Variants in ZC3H7B observed in about 807,000 individuals in gnomAD.
ZC3H7B encodes zinc finger CCCH-type containing 7B.
Under a neutral mutation model 116.0 loss-of-function variants are expected in ZC3H7B, and 35 were observed. The observed-to-expected ratio is 0.30, with a 90% confidence interval of 0.23 to 0.40. ZC3H7B has a LOEUF of 0.40. Among genes scored for constraint, ZC3H7B ranks in the 10% least tolerant of loss-of-function variants. ZC3H7B has a pLI of 1.00. For synonymous variants in ZC3H7B, 502 were observed against 545.6 expected (o/e 0.92, Z 1.11); for missense variants, 1,011 against 1,321.5 (o/e 0.77, Z 3.64).
At chr22:41,343,673 G>A (rs1371702902) in intron 13 of ZC3H7B, 97 bp downstream of exon 13, 1 of 1,418,458 alleles carries the variant, frequency 7.0e-7, no homozygotes, top group Non-Finnish European at 9.3e-7. Flanking sequence ...ACAGAACAGG[G>A]GTGGGCCTCA....
rs2035963729 is a variant in ZC3H7B at position 41,301,551 on chromosome 22, C to G, written c.-228C>G. ...AGACAGTGCCTCCAGCGGGTGCTGCCGCGAGCGGCCAGCCGAGGGGCTGGA... is the reference window on the plus strand; with the variant it reads ...AGACAGTGCCTCCAGCGGGTGCTGCGGCGAGCGGCCAGCCGAGGGGCTGGA... On this transcript the variant is annotated 5_prime_UTR_variant, in exon 1 of 23. Transcript: ENST00000352645. 1 of 152,142 alleles carries G rather than the reference C, an allele frequency of 6.6e-6. No individual in the cohort carries two copies. Among genetic ancestry groups the G allele is most frequent in the African/African-American group, 2.4e-5 (1 of 41,408 alleles). 9.4% of individuals were successfully genotyped at this position (152,142 alleles called of 1,614,324 possible).
chr22:41,329,154 G>A (rs1439919479), intron 5 of ZC3H7B, among the ~76,000 whole-genome samples: 1 of 150,750 alleles, frequency 6.6e-6, no homozygotes, highest in Non-Finnish European at 1.5e-5. Flanking sequence ...GTAGTGAGCT[G>A]AGATCGCGCC....
At chr22:41,311,895 T>C (rs2036122673) in intron 1 of ZC3H7B, among the ~76,000 whole-genome samples, 1 of 152,146 alleles carries the variant, frequency 6.6e-6, no homozygotes, top group Non-Finnish European at 1.5e-5. Flanking sequence ...TGACAATACA[T>C]ATAGATTCAA....
chr22:41,315,332 A>G (rs2036168226), intron 1 of ZC3H7B, among the ~76,000 whole-genome samples: 2 of 148,202 alleles, frequency 1.3e-5, no homozygotes, highest in Non-Finnish European at 3.0e-5. Context: ...ATGTACCACT[A>G]TATCCAGCTA....
rs531769945 is a variant in ZC3H7B, at chr22:41,350,248, C to T, written c.1948+947C>T. ...GTCCCTGGGGGTAGAGCAGCTTAGT[C>T]AGTAGAAGGGGAATGAGGCCTGAGA... On this transcript the variant is annotated intron_variant, in intron 16 of 22. Transcript: ENST00000352645. 2.0e-5 allele frequency among the ~76,000 whole-genome samples: 3 copies of T among 152,228 alleles called. No individual in the cohort carries two copies. In the East Asian group the frequency reaches 5.8e-4, roughly 29 times the overall value.
At position 41,348,144 on chromosome 22, in the gene ZC3H7B, C is replaced by G; in HGVS notation, c.1743C>G (p.Ala581=). The change falls in exon 15 of 23, where the codon GCC becomes GCG. Residue 581 remains alanine (A), a synonymous_variant. Transcript: ENST00000352645. ...DSPSVCSNLA[A]KHSFYNNKCL... is the part of the protein sequence containing the mutation. ...CGTCTGTCTGCTCCAACCTGGCTGC[C>G]AAGCACAGCTTCTACAACAACAAGT... The G allele has an allele frequency of 6.2e-7, 1 of 1,613,932 alleles. No homozygotes were observed. Among genetic ancestry groups the G allele is most frequent in the East Asian group, 2.2e-5 (1 of 44,882 alleles).
intron 2 of ZC3H7B, 28 bp from the exon 3 acceptor site, chr22:41,325,536 C>T: frequency 2.5e-6 from 4 of 1,603,192 alleles, no homozygotes; most frequent in Non-Finnish European, 3.4e-6. Flanking sequence ...CGGGCTCACC[C>T]AGGCCTCGTG....
chr22:41,320,778 G>A, intron 2 of ZC3H7B, 65 bp downstream of exon 2: 1 of 1,595,850 alleles, frequency 6.3e-7, no homozygotes, highest in Non-Finnish European at 8.6e-7. Flanking sequence ...TGAGAGCCAT[G>A]CCCTCCCAGC....
intron 1 of ZC3H7B, among the ~76,000 whole-genome samples, chr22:41,315,359 T>TTTG (rs1257392946): frequency 1.4e-5 from 2 of 147,554 alleles, no homozygotes; most frequent in African/African-American, 4.9e-5. Flanking sequence ...AGTGTTTTTT[T>TTTG]TTTTTTTTTT....
chr22:41,318,373 C>G (rs1368696657), intron 1 of ZC3H7B, among the ~76,000 whole-genome samples: 4 of 151,900 alleles, frequency 2.6e-5, no homozygotes, highest in Non-Finnish European at 5.9e-5. Context: ...ACTAAAAATA[C>G]AAAAAATTAG....
intron 22 of ZC3H7B, 40 bp downstream of exon 22, chr22:41,356,848 G>T: frequency 6.2e-7 from 1 of 1,610,708 alleles, no homozygotes; most frequent in Non-Finnish European, 8.5e-7. Context: ...ACATGGGGTG[G>T]CCCGAGGAGA....
intron 1 of ZC3H7B, among the ~76,000 whole-genome samples, chr22:41,315,538 G>C (rs952351759): frequency 2.0e-5 from 3 of 152,036 alleles, no homozygotes; most frequent in Non-Finnish European, 4.4e-5. Flanking sequence ...AGTCTGCATA[G>C]GTTGCCATAT....
At chr22:41,307,805 T>C (rs1046999494) in intron 1 of ZC3H7B, among the ~76,000 whole-genome samples, 1 of 152,130 alleles carries the variant, frequency 6.6e-6, no homozygotes, top group East Asian at 1.9e-4. Context: ...TTAACACTTC[T>C]GAGATCACAC....
Position 41,357,194 on chromosome 22 carries a change from C to T in ZC3H7B, c.2699C>T (p.Ala900Val). ...RLCDRLQKGK[A>V]CPDGDKCRCA... The stretch of plus-strand genomic sequence containing the variant: ...ACCCACAGGCTCCAGAAGGGCAAAG[C>T]CTGCCCAGATGGGGACAAGTGCCGC... The change falls in exon 23 of 23, where the codon GCC (alanine) becomes GTC (valine). Residue 900 changes from alanine (A) to valine (V), a missense_variant. Ala to Val is a moderately conservative substitution (Grantham distance 64, BLOSUM62 0). This residue lies in a region of ZC3H7B where 406 missense variants were observed against 590.2 expected (regional missense o/e 0.69). Coordinates refer to ENST00000352645, the MANE Select transcript of ZC3H7B (RefSeq NM_017590.6). The surrounding 1 kb of genome is among the most constrained non-coding windows in gnomAD (Gnocchi z 5.4). 1 of 1,613,324 alleles carries T rather than the reference C, an allele frequency of 6.2e-7. No individual in the cohort carries two copies. Among genetic ancestry groups the T allele is most frequent in the Non-Finnish European group, 8.5e-7 (1 of 1,179,894 alleles).
chr22:41,330,000 G>A (rs201723425), intron 5 of ZC3H7B, 23 bp from the exon 6 acceptor site: 60 of 1,613,026 alleles, frequency 3.7e-5, no homozygotes, highest in Non-Finnish European at 1.3e-5. Flanking sequence ...CTGACCCACC[G>A]CCCTGTGTCT....
chr22:41,321,896 G>A (rs1457611601), intron 2 of ZC3H7B, among the ~76,000 whole-genome samples: 2 of 125,130 alleles, frequency 1.6e-5, no homozygotes, highest in African/African-American at 6.4e-5. Context: ...CTGGAGTGCA[G>A]TGGCGGGATC....
chr22:41,327,135 G>A lies in ZC3H7B; in HGVS notation c.286-71G>A. The stretch of plus-strand genomic sequence containing the variant: ...AAGGGAAGCTGGTGTTCCTTCCTAG[G>A]CAGGGGCAGGAGGCCTGGGGGAGGG... On this transcript the variant is annotated intron_variant, in intron 4 of 22. Coordinates refer to ENST00000352645, the MANE Select transcript of ZC3H7B (RefSeq NM_017590.6). The surrounding 1 kb of genome is among the most constrained non-coding windows in gnomAD (Gnocchi z 4.5). 5.7e-6 allele frequency: 9 copies of A among 1,580,160 alleles called. No individual in the cohort carries two copies. The highest frequency in any genetic ancestry group is 7.7e-6 in the Non-Finnish European group (9 of 1,162,126).
chr22:41,319,439 A>T (rs940217208), intron 1 of ZC3H7B, among the ~76,000 whole-genome samples: 2 of 151,618 alleles, frequency 1.3e-5, no homozygotes. Context: ...GCATAGTGGC[A>T]AGTGCTTATA....
chr22:41,349,472 C>T lies in ZC3H7B; in HGVS notation c.1948+171C>T, dbSNP rs1465269814. On this transcript the variant is annotated intron_variant, in intron 16 of 22. Transcript: ENST00000352645. This position sits in a 1 kb window ranked among gnomAD's most constrained non-coding sequence, Gnocchi z 4.9. ...GCTGCGGGGTGGGCTCTCTGTGTGTCCCAGGCACCACAGAGGAGAGAAGCT... is the reference window on the plus strand; with the variant it reads ...GCTGCGGGGTGGGCTCTCTGTGTGTTCCAGGCACCACAGAGGAGAGAAGCT... Among the ~76,000 whole-genome samples the T allele has an allele frequency of 6.6e-6, 1 of 152,050 alleles. No individual in the cohort carries two copies. Among genetic ancestry groups the T allele is most frequent in the Non-Finnish European group, 1.5e-5 (1 of 67,972 alleles).
Sources: gnomAD v4.1 joint callset for allele counts (sites outside exome capture counted in the v4.1 genomes callset) on GRCh38, gnomAD v4.1.1 for gene constraint, gnomAD v4.1.1 regional missense constraint, Gnocchi (gnomAD v3.1) non-coding constraint, MANE v1.5 for transcripts, NCBI Gene and HGNC (gene_info 2026-07-23, HGNC 2026-07-21) for gene names.